Variants in HGD observed in about 807,000 individuals in gnomAD.
HGD encodes the protein homogentisate 1,2-dioxygenase.
A neutral mutation model predicts 60.8 loss-of-function variants in HGD; 61 were observed. That is an observed-to-expected ratio of 1.00 (90% CI 0.82 to 1.24). The LOEUF is 1.24. HGD is among the 50% of genes most tolerant of loss of function. The pLI, the probability that HGD is intolerant of heterozygous loss-of-function variation, is 0.00. For synonymous variants in HGD, 212 were observed against 187.7 expected (o/e 1.13, Z -1.06); for missense variants, 542 against 547.1 (o/e 0.99, Z 0.09).
In HGD at chr3:120,669,520, C is replaced by A. The variant is rs148847416; in HGVS notation, c.282+907G>T. Among the ~76,000 whole-genome samples the A allele has an allele frequency of 4.2e-3, 638 of 151,712 alleles. 6 individuals are homozygous for A. Among genetic ancestry groups the A allele is most frequent in the African/African-American group, 0.015 (609 of 41,344 alleles). ...TTAATCAAGTTTGTCCTAAAGTTGCCTCCTTACATATTTTAAGTTCTGCCT... is the reference window on the plus strand; with the variant it reads ...TTAATCAAGTTTGTCCTAAAGTTGCATCCTTACATATTTTAAGTTCTGCCT... On this transcript the variant is annotated intron_variant, in intron 4 of 13. Transcript: ENST00000283871.
Position 120,646,979 on chromosome 3 carries a change from G to A in HGD, c.543C>T (p.Val181=), listed in dbSNP as rs765270269. The A allele has an allele frequency of 1.1e-5, 17 of 1,613,212 alleles. No homozygotes were observed. The highest frequency in any genetic ancestry group is 5.1e-6 in the Non-Finnish European group (6 of 1,179,294). The stretch of plus-strand genomic sequence containing the variant: ...AAGGGGACACATCACCAACCTGAAT[G>A]ACGCAGATCTCATTGGGCTGTACAA... ...KMLVQPNEIC[V]IQRGMRFSID... is the part of the protein sequence containing the mutation. Residue 181 remains valine, a synonymous_variant, in exon 8 of 14, where the codon GTC becomes GTT. Coordinates refer to ENST00000283871, the MANE Select transcript of HGD (RefSeq NM_000187.4).
At chr3:120,643,778 GTTA>G (rs1426144141) in intron 10 of HGD, among the ~76,000 whole-genome samples, 1 of 152,048 alleles carries the variant, frequency 6.6e-6, no homozygotes, top group Non-Finnish European at 1.5e-5. Flanking sequence ...TTACATTGTT[GTTA>G]TTATTATTTA....
intron 5 of HGD, among the ~76,000 whole-genome samples, chr3:120,651,456 C>T (rs900768033): frequency 2.0e-5 from 3 of 152,102 alleles, no homozygotes; most frequent in Admixed American, 6.5e-5. Context: ...AGATGGAGAG[C>T]CAAAAGGAGA....
chr3:120,670,421 G>A lies in HGD; in HGVS notation c.282+6C>T, dbSNP rs1416480487. On this transcript the variant is annotated splice_donor_region_variant and intron_variant, in intron 4 of 13. Coordinates refer to ENST00000283871, the MANE Select transcript of HGD (RefSeq NM_000187.4). ...TGATAAGCTTCAATTCACAGGACCA[G>A]GTTACCTGGTTAGGATCAGGATCAA... 2 of 1,460,472 alleles carry A rather than the reference G, an allele frequency of 1.4e-6. No homozygotes were observed. The highest frequency in any genetic ancestry group is 2.8e-5 in the African/African-American group (2 of 71,682). The allele number at this position is 1,460,472 out of a possible 1,614,324, so 90.5% of individuals were successfully genotyped here. A position where few individuals can be genotyped will look rare whatever the true frequency, so the allele number is the denominator to read the frequency against.
Position 120,646,305 on chromosome 3 carries a change from T to C in HGD, c.611A>G (p.Tyr204Cys), listed in dbSNP as rs751827206. 23 of 1,613,416 alleles carry C rather than the reference T, an allele frequency of 1.4e-5. No homozygotes were observed. Among genetic ancestry groups the C allele is most frequent in the East Asian group, 6.7e-5 (3 of 44,878 alleles). ...EETRGYILEV[Y>C]GVHFELPDLG... Reference sequence around the variant, plus strand: ...GTCAGGTAACTCAAAGTGGACACCATAGACCTCCAAGATGTAGCCCCTGGT... The same window carrying C: ...GTCAGGTAACTCAAAGTGGACACCACAGACCTCCAAGATGTAGCCCCTGGT... Residue 204 changes from tyrosine (Y) to cysteine (C), a missense_variant, in exon 9 of 14, where the codon TAT (tyrosine) becomes TGT (cysteine). Tyr to Cys is a radical substitution (Grantham distance 194). Around this residue, in one of 2 missense-constraint regions of HGD, gnomAD observed 537 missense variants for 529.1 expected, o/e 1.01. Transcript: ENST00000283871.
intron 1 of HGD, among the ~76,000 whole-genome samples, chr3:120,676,873 C>T (rs1708141065): frequency 6.6e-6 from 1 of 152,198 alleles, no homozygotes; most frequent in Non-Finnish European, 1.5e-5. Flanking sequence ...TGCGGGAAGT[C>T]TGGGACTCCA....
At chr3:120,666,727 G>C (rs1311278945) in intron 4 of HGD, among the ~76,000 whole-genome samples, 1 of 151,946 alleles carries the variant, frequency 6.6e-6, no homozygotes, top group Non-Finnish European at 1.5e-5. Context: ...GGTAAGGCTG[G>C]TCTCAAACTC....
At chr3:120,633,928 A>G (rs1940673928) in intron 12 of HGD, among the ~76,000 whole-genome samples, 1 of 152,234 alleles carries the variant, frequency 6.6e-6, no homozygotes, top group African/African-American at 2.4e-5. Flanking sequence ...GCTATTTATT[A>G]TAACAAATAT....
intron 4 of HGD, among the ~76,000 whole-genome samples, chr3:120,665,986 G>C (rs763634646): frequency 5.9e-5 from 9 of 152,184 alleles, no homozygotes; most frequent in Non-Finnish European, 1.3e-4. Flanking sequence ...AGAAAGTGAT[G>C]AATGCAAAAT....
At chr3:120,666,983 T>A (rs988817406) in intron 4 of HGD, among the ~76,000 whole-genome samples, 1 of 152,186 alleles carries the variant, frequency 6.6e-6, no homozygotes, top group African/African-American at 2.4e-5. Context: ...ATTTTATTAA[T>A]TTCTACAATA....
chr3:120,659,275 C>T (rs909736810), intron 4 of HGD, among the ~76,000 whole-genome samples: 4 of 152,168 alleles, frequency 2.6e-5, no homozygotes, highest in African/African-American at 7.2e-5. Flanking sequence ...AATTTAAGTT[C>T]CAACTTCAGG....
rs145387885 is a variant in HGD, at chr3:120,649,625, C to T, written c.434+1149G>A. On this transcript the variant is annotated intron_variant, in intron 6 of 13. Coordinates refer to ENST00000283871, the MANE Select transcript of HGD (RefSeq NM_000187.4). Reference sequence around the variant, plus strand: ...TTGTGCATAAATGAGAGACTGAGCTCCTCAGCTCTGAAGAGAAAGGGCATT... The same window carrying T: ...TTGTGCATAAATGAGAGACTGAGCTTCTCAGCTCTGAAGAGAAAGGGCATT... Among the ~76,000 whole-genome samples the T allele has an allele frequency of 9.3e-3, 1,418 of 152,236 alleles. 22 individuals carry two copies. The highest frequency in any genetic ancestry group is 0.032 in the African/African-American group (1,326 of 41,532).
intron 1 of HGD, among the ~76,000 whole-genome samples, chr3:120,679,452 A>T (rs753262678): frequency 5.9e-5 from 9 of 152,220 alleles, no homozygotes; most frequent in Non-Finnish European, 8.8e-5. Flanking sequence ...TTATCGCAGT[A>T]GGCTGAATAA....
At chr3:120,640,319 T>C (rs530941115) in intron 11 of HGD, among the ~76,000 whole-genome samples, 247 of 151,504 alleles carry the variant, frequency 1.6e-3, no homozygotes, top group Admixed American at 4.5e-3. Context: ...TGAAAACACA[T>C]CAAAGTGCAC....
At chr3:120,673,672 C>T (rs1336273361) in intron 3 of HGD, among the ~76,000 whole-genome samples, 1 of 152,146 alleles carries the variant, frequency 6.6e-6, no homozygotes, top group Non-Finnish European at 1.5e-5. Flanking sequence ...ATATCATGCC[C>T]AGTTCTCTTG....
At chr3:120,637,664 C>A (rs1338531903) in intron 12 of HGD, among the ~76,000 whole-genome samples, 1 of 152,088 alleles carries the variant, frequency 6.6e-6, no homozygotes, top group Non-Finnish European at 1.5e-5. Context: ...TTCTCTGAAC[C>A]AGACTTAGGT....
chr3:120,655,556 T>C (rs1405502991), intron 4 of HGD, among the ~76,000 whole-genome samples: 1 of 152,222 alleles, frequency 6.6e-6, no homozygotes, highest in Non-Finnish European at 1.5e-5. Flanking sequence ...ATAAACTCAG[T>C]ACTCACAAGA....
chr3:120,636,563 C>T (rs752004255), intron 12 of HGD, among the ~76,000 whole-genome samples: 11 of 152,292 alleles, frequency 7.2e-5, no homozygotes, highest in Middle Eastern at 3.4e-3. Flanking sequence ...CTCTCCTTGA[C>T]AACAGGTCCT....
Position 120,628,435 on chromosome 3 carries a change from T to A in HGD, c.1283A>T (p.Glu428Val), listed in dbSNP as rs1940486039. 6.2e-7 allele frequency: 1 copy of A among 1,613,926 alleles called. No homozygotes were observed. The highest frequency in any genetic ancestry group is 1.3e-5 in the African/African-American group (1 of 74,902). ...CLDENYHKCW[E>V]PLKSHFTPNS... Reference sequence around the variant, plus strand: ...GGGAGTGAAGTGGCTCTTGAGTGGCTCCCAGCACTTGTGGTAGTTCTCATC... The same window carrying A: ...GGGAGTGAAGTGGCTCTTGAGTGGCACCCAGCACTTGTGGTAGTTCTCATC... Residue 428 changes from glutamate to valine, a missense_variant, in exon 14 of 14, where the codon GAG becomes GTG. By Grantham distance (121) the Glu-to-Val change is moderately radical. Transcript: ENST00000283871.
Sources: allele counts gnomAD v4.1 joint callset (sites outside exome capture counted in the v4.1 genomes callset), GRCh38; gene constraint gnomAD v4.1.1; regional missense constraint gnomAD v4.1.1; transcripts MANE v1.5; gene names NCBI Gene and HGNC (gene_info 2026-07-23, HGNC 2026-07-21).